Variants in DLGAP1 observed in about 807,000 individuals in gnomAD.
DLGAP1 encodes DLG associated protein 1.
In DLGAP1, 11 loss-of-function variants were observed where a neutral mutation model predicts 90.8. The observed-to-expected ratio is 0.12, with a 90% confidence interval of 0.08 to 0.20. DLGAP1 has a LOEUF of 0.20. Among genes scored for constraint, DLGAP1 ranks in the 10% least tolerant of loss-of-function variants. The pLI, the probability that DLGAP1 is intolerant of heterozygous loss-of-function variation, is 1.00. For missense variants in DLGAP1, 1,050 were observed against 1,333.8 expected (o/e 0.79, Z 3.31); for synonymous variants, 558 against 540.7 (o/e 1.03, Z -0.44).
At chr18:4,001,478 C>G (rs947666840) in intron 3 of DLGAP1, among the ~76,000 whole-genome samples, 1 of 151,806 alleles carries the variant, frequency 6.6e-6, no homozygotes, top group East Asian at 1.9e-4. Flanking sequence ...CCATTTTTTT[C>G]TTTATTAATG....
intron 1 of DLGAP1, among the ~76,000 whole-genome samples, chr18:4,219,051 T>TA (rs1462042181): frequency 8.2e-6 from 1 of 121,548 alleles, no homozygotes; most frequent in Non-Finnish European, 1.8e-5. Flanking sequence ...TTTTTTTTTT[T>TA]AAGGAGTCTC....
intron 1 of DLGAP1, among the ~76,000 whole-genome samples, chr18:4,251,670 C>T (rs2078781725): frequency 6.6e-6 from 1 of 152,062 alleles, no homozygotes; most frequent in Non-Finnish European, 1.5e-5. Context: ...ATGTAACAGC[C>T]ACTATTAAAA....
intron 1 of DLGAP1, among the ~76,000 whole-genome samples, chr18:4,164,792 AT>A (rs1349068886): frequency 2.0e-5 from 3 of 152,222 alleles, no homozygotes; most frequent in African/African-American, 7.2e-5. Context: ...AACAGAAATT[AT>A]AAAAAAGGAC....
rs879538510 is a variant in DLGAP1 at position 3,946,993 on chromosome 18, GCTC to G, written c.-73+58120_-73+58122del. ...AGACTTACATGATTATTGGGATAAA[GCTC>G]CTTGTTTTATTCTTTGAATGGGTGT... On this transcript the variant is annotated intron_variant, in intron 3 of 12. Transcript: ENST00000315677. Among the ~76,000 whole-genome samples, 10 of 152,144 alleles carry G rather than the reference GCTC, an allele frequency of 6.6e-5. No individual in the cohort carries two copies. The East Asian group carries it at 1.9e-3, about 29-fold the overall frequency.
At chr18:4,304,952 A>G (rs1461717758) in intron 1 of DLGAP1, among the ~76,000 whole-genome samples, 3 of 151,436 alleles carry the variant, frequency 2.0e-5, no homozygotes, top group African/African-American at 7.3e-5. Flanking sequence ...AAAAGTTGTC[A>G]TTGTGAACTT....
At chr18:4,270,479 G>A (rs778240978) in intron 1 of DLGAP1, among the ~76,000 whole-genome samples, 7 of 152,120 alleles carry the variant, frequency 4.6e-5, no homozygotes, top group Non-Finnish European at 7.4e-5. Flanking sequence ...AACTTTTCAC[G>A]AGAATAATTA....
At chr18:4,386,229 T>C (rs1239246780) in intron 1 of DLGAP1, among the ~76,000 whole-genome samples, 1 of 152,204 alleles carries the variant, frequency 6.6e-6, no homozygotes, top group Non-Finnish European at 1.5e-5. Flanking sequence ...AAGGTCAGAA[T>C]GCCGACCAGA....
At chr18:4,078,389 C>T (rs1279082632) in intron 2 of DLGAP1, among the ~76,000 whole-genome samples, 1 of 152,044 alleles carries the variant, frequency 6.6e-6, no homozygotes, top group Admixed American at 6.6e-5. Flanking sequence ...GAATAGATGG[C>T]CAAGTGTAAG....
intron 2 of DLGAP1, among the ~76,000 whole-genome samples, chr18:4,098,068 T>C (rs1171974905): frequency 3.3e-5 from 5 of 152,156 alleles, no homozygotes; most frequent in African/African-American, 1.2e-4. Context: ...CCCACGCCAC[T>C]ATGCCTGGCT....
rs933148992 is a variant in DLGAP1 at position 3,941,258 on chromosome 18, C to T, written c.-72-61118G>A. 3.3e-5 allele frequency among the ~76,000 whole-genome samples: 5 copies of T among 152,120 alleles called. No individual in the cohort carries two copies. The South Asian group carries it at 1.0e-3, about 32-fold the overall frequency. ...AATTTGCTGGTGATCTCTGCCTGGC[C>T]AATGGTTTGCACTTGTCAGACAGGG... On this transcript the variant is annotated intron_variant, in intron 3 of 12. Coordinates refer to ENST00000315677, the MANE Select transcript of DLGAP1 (RefSeq NM_004746.4).
At chr18:3,514,481 A>T (rs1030085490) in intron 10 of DLGAP1, among the ~76,000 whole-genome samples, 1 of 152,218 alleles carries the variant, frequency 6.6e-6, no homozygotes, top group Non-Finnish European at 1.5e-5. Flanking sequence ...GATATGCTAC[A>T]TAGAACTCGT....
intron 2 of DLGAP1, among the ~76,000 whole-genome samples, chr18:4,135,141 A>G (rs2076379235): frequency 6.6e-6 from 1 of 152,190 alleles, no homozygotes; most frequent in Non-Finnish European, 1.5e-5. Flanking sequence ...ACTTCATTCA[A>G]GAAATGTATT....
intron 2 of DLGAP1, among the ~76,000 whole-genome samples, chr18:4,033,178 A>T (rs1441023934): frequency 6.6e-6 from 1 of 151,958 alleles, no homozygotes; most frequent in Non-Finnish European, 1.5e-5. Flanking sequence ...AATTTCATTC[A>T]TTATTTTTAA....
chr18:4,303,622 T>G (rs1199385249), intron 1 of DLGAP1, among the ~76,000 whole-genome samples: 1 of 152,196 alleles, frequency 6.6e-6, no homozygotes, highest in Non-Finnish European at 1.5e-5. Flanking sequence ...AGAAGTGGCA[T>G]AGCAAGGCTG....
intron 1 of DLGAP1, among the ~76,000 whole-genome samples, chr18:4,273,937 A>AT (rs553513492): frequency 4.7e-4 from 72 of 151,650 alleles, no homozygotes; most frequent in South Asian, 3.6e-3. Context: ...AGGCTTGTCA[A>AT]TTTTTTTTAT....
At chr18:3,516,623 G>A (rs2050861449) in intron 10 of DLGAP1, among the ~76,000 whole-genome samples, 1 of 152,122 alleles carries the variant, frequency 6.6e-6, no homozygotes, top group Admixed American at 6.6e-5. Context: ...ATGCTTAATG[G>A]ACTCACAGTT....
intron 2 of DLGAP1, among the ~76,000 whole-genome samples, chr18:4,085,942 A>C (rs1452269726): frequency 6.6e-6 from 1 of 152,114 alleles, no homozygotes; most frequent in East Asian, 1.9e-4. Flanking sequence ...GTGATTATTG[A>C]CTTTGCTCTC....
chr18:4,191,247 G>T (rs1445393727), intron 1 of DLGAP1, among the ~76,000 whole-genome samples: 1 of 152,038 alleles, frequency 6.6e-6, no homozygotes, highest in Non-Finnish European at 1.5e-5. Flanking sequence ...ACTGCATCAT[G>T]AATTTTTTGA....
chr18:4,284,141 A>T (rs591285), intron 1 of DLGAP1, among the ~76,000 whole-genome samples: 1 of 149,914 alleles, frequency 6.7e-6, no homozygotes, highest in Non-Finnish European at 1.5e-5. Flanking sequence ...GTGCACTATG[A>T]TCCACCTGTG....
Sources: allele counts gnomAD v4.1 joint callset (sites outside exome capture counted in the v4.1 genomes callset), GRCh38; gene constraint gnomAD v4.1.1; transcripts MANE v1.5; gene names NCBI Gene and HGNC (gene_info 2026-07-23, HGNC 2026-07-21).